The following NRXN3 variants were observed in gnomAD, a reference collection of about 807,000 sequenced individuals.
The protein encoded by NRXN3 is neurexin III.
NRXN3 carries 32 observed loss-of-function variants against 137.6 expected under a neutral mutation model. The observed-to-expected ratio is 0.23, with a 90% CI of 0.18 to 0.31. The LOEUF is 0.31. Among genes scored for constraint, NRXN3 ranks in the 10% least tolerant of loss-of-function variants. NRXN3 has a pLI of 1.00. For missense variants in NRXN3, 1,574 were observed against 2,062.5 expected, an observed-to-expected ratio of 0.76 and a Z score of 4.59; for synonymous variants, 798 against 784.5, an observed-to-expected ratio of 1.02 and a Z score of -0.29.
chr14:78,496,855 CT>C (rs1438441480), intron 4 of NRXN3, among the ~76,000 whole-genome samples: 1 of 151,930 alleles, frequency 6.6e-6, no homozygotes, highest in East Asian at 1.9e-4. Context: ...CATAGTAGGT[CT>C]TTTTGGCCCC....
intron 15 of NRXN3, among the ~76,000 whole-genome samples, chr14:79,013,325 C>A (rs1302032682): frequency 6.6e-6 from 1 of 152,126 alleles, no homozygotes; most frequent in East Asian, 1.9e-4. Context: ...GTATCTATCT[C>A]TGGTTTTCTT....
intron 4 of NRXN3, among the ~76,000 whole-genome samples, chr14:78,577,365 G>A (rs2096946717): frequency 6.6e-6 from 1 of 152,198 alleles, no homozygotes; most frequent in Admixed American, 6.5e-5. Flanking sequence ...GGGTATTTGT[G>A]TAGATGAAGA....
At chr14:78,874,123 C>T in intron 10 of NRXN3, among the ~76,000 whole-genome samples, 1 of 151,964 alleles carries the variant, frequency 6.6e-6, no homozygotes, top group Non-Finnish European at 1.5e-5. Context: ...AGGAATGCAC[C>T]ACCATGTCCG....
At position 79,788,323 on chromosome 14, in the gene NRXN3, T is replaced by C. The variant is rs575125727; in HGVS notation, c.4015-16789T>C. Among the ~76,000 whole-genome samples the C allele has an allele frequency of 3.3e-5, 5 of 152,306 alleles. No individual in the cohort carries two copies. In the South Asian group the frequency reaches 1.0e-3, roughly 32 times the overall value. On this transcript the variant is annotated intron_variant, in intron 19 of 20. Transcript: ENST00000335750. ...TTGGGCAGGACACAGAGCCAAACCA[T>C]ATCACCCGTCTTACCCAATTCTGTT...
At chr14:78,945,987 A>T (rs1004904931) in intron 10 of NRXN3, among the ~76,000 whole-genome samples, 3 of 152,368 alleles carry the variant, frequency 2.0e-5, no homozygotes, top group Admixed American at 2.0e-4. Context: ...AATGCCTGAC[A>T]TAAGAGGCAG....
At chr14:79,546,357 A>G (rs1029393837) in intron 16 of NRXN3, among the ~76,000 whole-genome samples, 1 of 152,208 alleles carries the variant, frequency 6.6e-6, no homozygotes, top group African/African-American at 2.4e-5. Flanking sequence ...AAAATAAATG[A>G]TGTTACTACT....
intron 15 of NRXN3, among the ~76,000 whole-genome samples, chr14:79,025,513 G>T (rs1194680176): frequency 6.6e-6 from 1 of 151,996 alleles, no homozygotes; most frequent in African/African-American, 2.4e-5. Context: ...TACTAAAAGG[G>T]CCTCCACCTT....
intron 15 of NRXN3, among the ~76,000 whole-genome samples, chr14:79,290,338 T>G (rs1176672299): frequency 6.6e-6 from 1 of 152,222 alleles, no homozygotes; most frequent in African/African-American, 2.4e-5. Flanking sequence ...GAGCACGGTA[T>G]TAAACTGAAC....
chr14:78,896,307 C>T (rs2099174526), intron 10 of NRXN3, among the ~76,000 whole-genome samples: 2 of 151,734 alleles, frequency 1.3e-5, no homozygotes, highest in African/African-American at 4.8e-5. Context: ...CATTTGATGT[C>T]CACTAGGGAA....
chr14:79,820,656 T>A (rs1296324084), intron 20 of NRXN3, among the ~76,000 whole-genome samples: 1 of 152,164 alleles, frequency 6.6e-6, no homozygotes, highest in Admixed American at 6.5e-5. Context: ...GCTCCCTCCA[T>A]CCTCTCACCC....
At chr14:79,665,648 A>G (rs1475403919) in intron 17 of NRXN3, among the ~76,000 whole-genome samples, 4 of 152,114 alleles carry the variant, frequency 2.6e-5, no homozygotes, top group Admixed American at 2.6e-4. Flanking sequence ...GGAATTTCAA[A>G]GATTTCTAAA....
At chr14:79,381,371 A>G (rs1250673543) in intron 15 of NRXN3, among the ~76,000 whole-genome samples, 1 of 152,082 alleles carries the variant, frequency 6.6e-6, no homozygotes, top group African/African-American at 2.4e-5. Context: ...TCCTTGAAAG[A>G]CTGTGTGAAA....
chr14:79,158,061 A>G (rs935301985), intron 15 of NRXN3, among the ~76,000 whole-genome samples: 1 of 151,728 alleles, frequency 6.6e-6, no homozygotes, highest in African/African-American at 2.4e-5. Flanking sequence ...CATTAAGAAG[A>G]TAATAATTTC....
intron 16 of NRXN3, among the ~76,000 whole-genome samples, chr14:79,583,826 G>A (rs1009439860): frequency 9.9e-5 from 15 of 152,126 alleles, no homozygotes; most frequent in African/African-American, 3.6e-4. Context: ...CATAAGCTAA[G>A]GAATTCAGCA....
intron 19 of NRXN3, among the ~76,000 whole-genome samples, chr14:79,768,309 C>A (rs1350056339): frequency 6.6e-6 from 1 of 152,246 alleles, no homozygotes; most frequent in Non-Finnish European, 1.5e-5. Flanking sequence ...TAGGCTCCAC[C>A]TCTGGGGGCA....
intron 4 of NRXN3, among the ~76,000 whole-genome samples, chr14:78,503,645 G>T (rs4903772): frequency 0.42 from 63,292 of 151,920 alleles, 13,359 homozygotes; most frequent in East Asian, 0.51. Context: ...TCAGGATTAG[G>T]GCTCATGGGT....
At chr14:79,571,376 C>T (rs890925280) in intron 16 of NRXN3, among the ~76,000 whole-genome samples, 1 of 152,124 alleles carries the variant, frequency 6.6e-6, no homozygotes, top group Non-Finnish European at 1.5e-5. Flanking sequence ...TAAAATATCC[C>T]ATTTAAATGC....
intron 15 of NRXN3, among the ~76,000 whole-genome samples, chr14:79,292,535 G>T (rs149738538): frequency 6.6e-6 from 1 of 152,180 alleles, no homozygotes; most frequent in Non-Finnish European, 1.5e-5. Context: ...CAAAAGTGTG[G>T]CATTCATCTT....
intron 15 of NRXN3, among the ~76,000 whole-genome samples, chr14:79,319,399 G>A (rs1447993748): frequency 6.6e-6 from 1 of 152,166 alleles, no homozygotes; most frequent in Non-Finnish European, 1.5e-5. Context: ...ATCAAAGGCA[G>A]GTTTAGCTGT....
Sources: gnomAD v4.1 joint callset for allele counts (sites outside exome capture counted in the v4.1 genomes callset) on GRCh38, gnomAD v4.1.1 for gene constraint, MANE v1.5 for transcripts, NCBI Gene and HGNC (gene_info 2026-07-23, HGNC 2026-07-21) for gene names.